Variants in STT3B observed in about 807,000 individuals in gnomAD.
STT3B encodes the protein dolichyl-diphosphooligosaccharide--protein glycosyltransferase subunit STT3B.
A neutral mutation model predicts 96.8 loss-of-function variants in STT3B; 29 were observed. The ratio of observed to expected loss-of-function variants is 0.30; its 90% confidence interval spans 0.22 to 0.41. STT3B has a LOEUF of 0.41. STT3B is among the 10% of genes least tolerant of loss of function. STT3B has a pLI of 1.00. For missense variants in STT3B, 640 were observed against 1,022.3 expected, an observed-to-expected ratio of 0.63 and a Z score of 5.10; for synonymous variants, 367 against 360.0, an observed-to-expected ratio of 1.02 and a Z score of -0.22.
intron 3 of STT3B, among the ~76,000 whole-genome samples, chr3:31,583,762 C>G (rs766969466): frequency 6.6e-6 from 1 of 152,032 alleles, no homozygotes; most frequent in Non-Finnish European, 1.5e-5. Flanking sequence ...TTTCTACATG[C>G]CTTATAGCTT....
chr3:31,589,256 T>C (rs1698613538), intron 3 of STT3B, among the ~76,000 whole-genome samples: 1 of 152,060 alleles, frequency 6.6e-6, no homozygotes, highest in Non-Finnish European at 1.5e-5. Flanking sequence ...TCATTACTGG[T>C]ATATAGGAAC....
At chr3:31,622,499 T>C (rs1699451091) in intron 10 of STT3B, among the ~76,000 whole-genome samples, 191 bp downstream of exon 10, 2 of 152,160 alleles carry the variant, frequency 1.3e-5, no homozygotes, top group South Asian at 2.1e-4. Context: ...AGTTAGAAAA[T>C]AGAATGTAAT....
chr3:31,562,653 G>A (rs1385614327), intron 1 of STT3B, among the ~76,000 whole-genome samples: 3 of 152,138 alleles, frequency 2.0e-5, no homozygotes, highest in East Asian at 1.9e-4. Flanking sequence ...ACTTGGGGGC[G>A]GGGCATGGGT....
intron 1 of STT3B, among the ~76,000 whole-genome samples, chr3:31,567,624 C>T (rs1456912173): frequency 2.0e-5 from 3 of 152,080 alleles, no homozygotes; most frequent in Admixed American, 2.0e-4. Context: ...ATTAAACATA[C>T]GAAACCCTTT....
chr3:31,593,347 T>G (rs1014126773), intron 3 of STT3B, among the ~76,000 whole-genome samples: 4 of 151,500 alleles, frequency 2.6e-5, no homozygotes, highest in African/African-American at 9.7e-5. Context: ...TCCTTGTGGG[T>G]TTTTTTTTCT....
intron 14 of STT3B, among the ~76,000 whole-genome samples, chr3:31,632,708 A>C (rs1056879731): frequency 4.1e-5 from 6 of 147,576 alleles, no homozygotes; most frequent in Admixed American, 4.0e-4. Flanking sequence ...ATGCTCATTT[A>C]CTCTAAGGAT....
chr3:31,552,954 T>C (rs1287030175), intron 1 of STT3B, among the ~76,000 whole-genome samples: 1 of 151,520 alleles, frequency 6.6e-6, no homozygotes, highest in Admixed American at 6.6e-5. Flanking sequence ...ATACAAAAAT[T>C]AGCCGGGCAT....
intron 9 of STT3B, chr3:31,620,091 A>G: frequency 6.4e-6 from 4 of 623,158 alleles, no homozygotes; most frequent in Non-Finnish European, 9.4e-6. Flanking sequence ...CCTGGCCAAC[A>G]TGGTGAAACC....
Position 31,576,503 on chromosome 3 carries a change from C to T in STT3B, c.422C>T (p.Thr141Ile). Reference protein sequence around the residue: ...WYPLGRIVGGTVYPGLMITAG... With the variant: ...WYPLGRIVGGIVYPGLMITAG... ...CCACTAGGAAGAATAGTAGGTGGTA[C>T]TGTAAGTATATTAGCAGTTCTTTAT... The change falls in exon 2 of 16, where the codon ACT becomes ATT. Residue 141 changes from threonine (T) to isoleucine (I), a missense_variant and splice_region_variant. Coordinates refer to ENST00000295770, the MANE Select transcript of STT3B (RefSeq NM_178862.3). The T allele has an allele frequency of 6.6e-7, 1 of 1,504,910 alleles. No individual in the cohort carries two copies. The allele number at this position is 1,504,910 out of a possible 1,614,324, so 93.2% of individuals were successfully genotyped here.
chr3:31,580,224 TAATC>T (rs1448011284), intron 3 of STT3B, 128 bp downstream of exon 3: 1 of 816,114 alleles, frequency 1.2e-6, no homozygotes, highest in East Asian at 2.5e-5. Flanking sequence ...TTACTGTTCA[TAATC>T]AATTTAATAA....
At chr3:31,586,726 ATCT>A (rs1698546643) in intron 3 of STT3B, among the ~76,000 whole-genome samples, 1 of 152,146 alleles carries the variant, frequency 6.6e-6, no homozygotes, top group African/African-American at 2.4e-5. Flanking sequence ...TCTTCTGTTT[ATCT>A]GTGTCTGTCT....
chr3:31,635,317 G>T (rs1420414703), intron 15 of STT3B, among the ~76,000 whole-genome samples: 1 of 152,124 alleles, frequency 6.6e-6, no homozygotes, highest in Non-Finnish European at 1.5e-5. Flanking sequence ...TTGTACCACT[G>T]CATTTCCGGT....
chr3:31,602,405 T>C (rs144542325), intron 5 of STT3B, among the ~76,000 whole-genome samples: 50 of 152,180 alleles, frequency 3.3e-4, no homozygotes, highest in African/African-American at 1.2e-3. Context: ...ATTGGGGATC[T>C]TGGAAATTTA....
intron 5 of STT3B, among the ~76,000 whole-genome samples, chr3:31,608,679 C>T (rs1457266366): frequency 6.6e-6 from 1 of 152,152 alleles, no homozygotes; most frequent in Non-Finnish European, 1.5e-5. Context: ...AGTGAGATTT[C>T]CTTTAAAGGT....
At chr3:31,594,255 C>T (rs990929437) in intron 3 of STT3B, among the ~76,000 whole-genome samples, 2 of 152,174 alleles carry the variant, frequency 1.3e-5, no homozygotes, top group Non-Finnish European at 2.9e-5. Flanking sequence ...CGGACACCAG[C>T]TGGTGTCCTC....
At chr3:31,587,571 G>A (rs371665968) in intron 3 of STT3B, among the ~76,000 whole-genome samples, 5 of 151,986 alleles carry the variant, frequency 3.3e-5, no homozygotes, top group African/African-American at 1.2e-4. Context: ...TTCAAGGTTT[G>A]TCTATGTTGA....
In STT3B at chr3:31,627,722, C is replaced by T. The variant is rs1186418366; in HGVS notation, c.2074-1576C>T. 5.9e-5 allele frequency among the ~76,000 whole-genome samples: 9 copies of T among 152,246 alleles called. No homozygotes were observed. In the East Asian group the frequency reaches 1.7e-3, roughly 29 times the overall value. On this transcript the variant is annotated intron_variant, in intron 13 of 15. Coordinates refer to ENST00000295770, the MANE Select transcript of STT3B (RefSeq NM_178862.3). ...AACATTATTTTTTTGTATTAATCTT[C>T]TGAAATTTAATTCTCCCAGTATGGT...
At chr3:31,620,903 C>T (rs201494867) in intron 9 of STT3B, among the ~76,000 whole-genome samples, 1 of 147,004 alleles carries the variant, frequency 6.8e-6, no homozygotes, top group East Asian at 4.1e-4. Flanking sequence ...ACTCATTGTT[C>T]TCTAGGTTAA....
At chr3:31,556,000 T>C (rs1322918035) in intron 1 of STT3B, among the ~76,000 whole-genome samples, 1 of 152,196 alleles carries the variant, frequency 6.6e-6, no homozygotes, top group African/African-American at 2.4e-5. Flanking sequence ...TTATGCCTTG[T>C]ATCTAACAGT....
Sources: gnomAD v4.1 joint callset for allele counts (sites outside exome capture counted in the v4.1 genomes callset) on GRCh38, gnomAD v4.1.1 for gene constraint, MANE v1.5 for transcripts, NCBI Gene and HGNC (gene_info 2026-07-23, HGNC 2026-07-21) for gene names.